MAP7: variants seen among roughly 807,000 people sequenced by gnomAD.
The protein encoded by MAP7 is ensconsin.
Under a neutral mutation model 94.8 loss-of-function variants are expected in MAP7, and 52 were observed. The ratio of observed to expected loss-of-function variants is 0.55; its 90% CI spans 0.44 to 0.69. The LOEUF (loss-of-function observed/expected upper bound fraction) is 0.69, where lower values mean the gene tolerates loss of function less well. MAP7 is among the 30% of genes least tolerant of loss of function. The pLI is 0.00. For missense variants in MAP7, 940 were observed against 964.6 expected (o/e 0.97, Z 0.34); for synonymous variants, 350 against 357.0 (o/e 0.98, Z 0.22).
chr6:136,445,253 C>A (rs1030744588), intron 1 of MAP7, among the ~76,000 whole-genome samples: 4 of 152,102 alleles, frequency 2.6e-5, no homozygotes, highest in Admixed American at 1.3e-4. Flanking sequence ...GAGAAAATAA[C>A]CCTTATCACC....
chr6:136,525,940 G>A (rs1440192225), intron 1 of MAP7: 6 of 1,533,504 alleles, frequency 3.9e-6, no homozygotes, highest in Non-Finnish European at 5.2e-6. Flanking sequence ...CTCTCATGTC[G>A]GAGAGCTGTA....
At chr6:136,436,436 G>T (rs1039078861) in intron 1 of MAP7, among the ~76,000 whole-genome samples, 40 of 151,580 alleles carry the variant, frequency 2.6e-4, no homozygotes, top group African/African-American at 9.0e-4. Flanking sequence ...CTGGAGTGCA[G>T]TGGTGTGATC....
chr6:136,539,122 A>C (rs1365342142), intron 1 of MAP7, among the ~76,000 whole-genome samples: 1 of 152,240 alleles, frequency 6.6e-6, no homozygotes, highest in Non-Finnish European at 1.5e-5. Context: ...ACAGTAATGC[A>C]ATACTAATCT....
At chr6:136,502,543 C>T (rs540463282) in intron 1 of MAP7, among the ~76,000 whole-genome samples, 4 of 152,258 alleles carry the variant, frequency 2.6e-5, no homozygotes, top group East Asian at 1.9e-4. Context: ...CACAGAGCAC[C>T]GGCAGGAAGA....
At chr6:136,375,463 T>C (rs187086484) in intron 7 of MAP7, among the ~76,000 whole-genome samples, 1 of 152,282 alleles carries the variant, frequency 6.6e-6, no homozygotes, top group East Asian at 1.9e-4. Context: ...ACAGGACATA[T>C]TATAGGTTAC....
chr6:136,443,007 T>C (rs1370252051), intron 1 of MAP7, among the ~76,000 whole-genome samples: 1 of 152,222 alleles, frequency 6.6e-6, no homozygotes, highest in Non-Finnish European at 1.5e-5. Flanking sequence ...TATTTAAATA[T>C]GGTTATATTT....
chr6:136,438,327 A>G (rs945980307), intron 1 of MAP7, among the ~76,000 whole-genome samples: 1 of 152,210 alleles, frequency 6.6e-6, no homozygotes, highest in Non-Finnish European at 1.5e-5. Context: ...CACTGAAAAC[A>G]CAGAGGCAGA....
chr6:136,373,613 T>C (rs1392358800), intron 7 of MAP7, among the ~76,000 whole-genome samples: 1 of 152,172 alleles, frequency 6.6e-6, no homozygotes, highest in East Asian at 1.9e-4. Flanking sequence ...GGTTCTAAGG[T>C]CCATTTTCAG....
chr6:136,550,127 C>A lies in MAP7; in HGVS notation c.67+215G>T, dbSNP rs1023070017. Among the ~76,000 whole-genome samples, 6 of 150,822 alleles carry A rather than the reference C, an allele frequency of 4.0e-5. No individual in the cohort carries two copies. In the South Asian group the frequency reaches 1.0e-3, roughly 26 times the overall value. On this transcript the variant is annotated intron_variant, in intron 1 of 17. Transcript: ENST00000354570. This position sits in a 1 kb window ranked among gnomAD's most constrained non-coding sequence, Gnocchi z 5.1. ...GCCCGAGGGCGGCCGCAACCCCGGC[C>A]GGGGCCGAGCCGGGCTGGCCGAGCC... is the stretch of plus-strand genomic sequence containing the variant.
At chr6:136,431,717 C>T (rs1292179261) in intron 1 of MAP7, among the ~76,000 whole-genome samples, 1 of 152,004 alleles carries the variant, frequency 6.6e-6, no homozygotes, top group Non-Finnish European at 1.5e-5. Flanking sequence ...GGGGTTTCAC[C>T]ATCTTGGTAA....
At chr6:136,393,587 C>G (rs965851237) in intron 3 of MAP7, among the ~76,000 whole-genome samples, 1 of 152,156 alleles carries the variant, frequency 6.6e-6, no homozygotes, top group African/African-American at 2.4e-5. Flanking sequence ...CACTGCTGAT[C>G]TTGTGACATC....
At chr6:136,501,893 G>C (rs2129011151) in intron 1 of MAP7, among the ~76,000 whole-genome samples, 1 of 152,282 alleles carries the variant, frequency 6.6e-6, no homozygotes, top group South Asian at 2.1e-4. Flanking sequence ...GTCTGGGTGT[G>C]AGGCTGCAGA....
chr6:136,389,540 A>G, intron 3 of MAP7, 23 bp from the exon 4 acceptor site: 1 of 1,605,274 alleles, frequency 6.2e-7, no homozygotes, highest in South Asian at 1.1e-5. Context: ...TTAAAAAAAA[A>G]AAAAAAGAGG....
chr6:136,409,840 C>A (rs143629662), intron 3 of MAP7, among the ~76,000 whole-genome samples: 10 of 152,282 alleles, frequency 6.6e-5, no homozygotes, highest in Admixed American at 1.3e-4. Context: ...CTTTTAAATA[C>A]AATATATGGC....
intron 1 of MAP7, among the ~76,000 whole-genome samples, chr6:136,474,364 G>A (rs1810130877): frequency 6.6e-6 from 1 of 152,202 alleles, no homozygotes; most frequent in African/African-American, 2.4e-5. Flanking sequence ...CACGGCAGGG[G>A]CGAGTGTAGA....
intron 16 of MAP7, among the ~76,000 whole-genome samples, chr6:136,353,847 C>A (rs1395989790): frequency 6.6e-6 from 1 of 152,118 alleles, no homozygotes; most frequent in African/African-American, 2.4e-5. Flanking sequence ...GCCACCATGC[C>A]CGGCTGGTAT....
intron 1 of MAP7, among the ~76,000 whole-genome samples, chr6:136,456,770 A>AAGAG (rs1803092421): frequency 2.0e-5 from 1 of 49,336 alleles, no homozygotes; most frequent in African/African-American, 1.0e-4. Flanking sequence ...AGGAGGAGGA[A>AAGAG]GAAGAAGAAG....
At chr6:136,522,716 GC>G (rs1826756890) in intron 1 of MAP7, among the ~76,000 whole-genome samples, 3 of 152,186 alleles carry the variant, frequency 2.0e-5, no homozygotes, top group Non-Finnish European at 4.4e-5. Flanking sequence ...TTGCTATGAT[GC>G]TTTGGGAATA....
intron 3 of MAP7, among the ~76,000 whole-genome samples, chr6:136,394,958 ATATATATATAT>A (rs1781977312): frequency 2.5e-5 from 3 of 118,886 alleles, no homozygotes; most frequent in African/African-American, 1.0e-4. Flanking sequence ...ATATATATAT[ATATATATATAT>A]ATCACATTTT....
Sources: gnomAD v4.1 joint callset for allele counts (sites outside exome capture counted in the v4.1 genomes callset) on GRCh38, gnomAD v4.1.1 for gene constraint, Gnocchi (gnomAD v3.1) non-coding constraint, MANE v1.5 for transcripts, NCBI Gene and HGNC (gene_info 2026-07-23, HGNC 2026-07-21) for gene names.